The following RGS6 variants were observed in gnomAD, a reference collection of about 807,000 sequenced individuals.
The protein encoded by RGS6 is regulator of G-protein signaling 6.
In RGS6, 30 loss-of-function variants were observed where a neutral mutation model predicts 78.5. The ratio of observed to expected loss-of-function variants is 0.38; its 90% CI spans 0.29 to 0.52. The LOEUF (loss-of-function observed/expected upper bound fraction) is 0.52. Among genes scored for constraint, RGS6 ranks in the 20% least tolerant of loss-of-function variants. RGS6 has a pLI of 0.85. For missense variants in RGS6, 495 were observed against 609.7 expected, an observed-to-expected ratio of 0.81 and a Z score of 1.98; for synonymous variants, 206 against 206.0, an observed-to-expected ratio of 1.00 and a Z score of 0.00.
Position 72,562,746 on chromosome 14 carries a change from C to T in RGS6, c.*279C>T. Reference sequence around the variant, plus strand: ...TCCAACACTCCACTCGCTAAGAGGCCCTGATCCCAGCTCATTCAGGGGAGA... The same window carrying T: ...TCCAACACTCCACTCGCTAAGAGGCTCTGATCCCAGCTCATTCAGGGGAGA... On this transcript the variant is annotated 3_prime_UTR_variant, in exon 18 of 18. Transcript: ENST00000553525. 1 of 1,536,066 alleles carries T rather than the reference C, an allele frequency of 6.5e-7. No homozygotes were observed. The highest frequency in any genetic ancestry group is 8.7e-7 in the Non-Finnish European group (1 of 1,146,826).
At chr14:72,352,319 T>G in intron 3 of RGS6, 125 bp downstream of exon 3, 1 of 643,934 alleles carries the variant, frequency 1.6e-6, no homozygotes, top group Non-Finnish European at 2.7e-6. Context: ...AGTGTGTTTC[T>G]TGACTCAGGT....
In RGS6 at chr14:72,379,672, G is replaced by A. The variant is rs1352398469; in HGVS notation, c.184+27478G>A. On this transcript the variant is annotated intron_variant, in intron 3 of 17. Transcript: ENST00000553525. Reference sequence around the variant, plus strand: ...CTACAAAACACTGATGAAAGAAGTTGAAGAGGATACAAATGGAAAGACATC... The same window carrying A: ...CTACAAAACACTGATGAAAGAAGTTAAAGAGGATACAAATGGAAAGACATC... 2.0e-5 allele frequency among the ~76,000 whole-genome samples: 3 copies of A among 151,992 alleles called. No homozygotes were observed. The East Asian group carries it at 5.8e-4, about 29-fold the overall frequency.
chr14:71,895,964 C>G, the RGS6 span, among the ~76,000 whole-genome samples: 1 of 152,076 alleles, frequency 6.6e-6, no homozygotes, highest in Admixed American at 6.5e-5. Context: ...GCTGGTGCTT[C>G]TAATCTGGCC....
At chr14:72,219,424 T>G (rs2046353356) in intron 2 of RGS6, among the ~76,000 whole-genome samples, 1 of 152,202 alleles carries the variant, frequency 6.6e-6, no homozygotes, top group South Asian at 2.1e-4. Context: ...TTTTTTAAAA[T>G]ATTTGTGAAA....
chr14:72,074,307 T>A (rs1403132428), intron 2 of RGS6, among the ~76,000 whole-genome samples: 2 of 152,318 alleles, frequency 1.3e-5, no homozygotes, highest in African/African-American at 4.8e-5. Context: ...AGGGATCTCC[T>A]GCCTCAGCTT....
intron 2 of RGS6, among the ~76,000 whole-genome samples, chr14:72,255,229 C>T (rs1441736278): frequency 6.6e-6 from 1 of 152,080 alleles, no homozygotes; most frequent in Admixed American, 6.6e-5. Context: ...AGGCTGTCCC[C>T]GGTTGTCTCA....
chr14:72,557,240 G>GAAAT, intron 17 of RGS6, among the ~76,000 whole-genome samples: 1 of 152,024 alleles, frequency 6.6e-6, no homozygotes, highest in East Asian at 1.9e-4. Flanking sequence ...AAAGTGTTTT[G>GAAAT]AAATTATTCT....
chr14:72,378,058 G>A (rs2085202232), intron 3 of RGS6, among the ~76,000 whole-genome samples: 1 of 152,014 alleles, frequency 6.6e-6, no homozygotes, highest in Non-Finnish European at 1.5e-5. Flanking sequence ...GTAACAAGAG[G>A]GACATTTGAA....
chr14:72,176,301 T>C (rs372247722), intron 2 of RGS6, among the ~76,000 whole-genome samples: 9 of 152,290 alleles, frequency 5.9e-5, no homozygotes, highest in East Asian at 1.9e-4. Context: ...TTGGGGGAGA[T>C]GACATGGGGC....
chr14:72,318,151 G>A (rs528317285), intron 2 of RGS6, among the ~76,000 whole-genome samples: 313 of 152,244 alleles, frequency 2.1e-3, no homozygotes, highest in African/African-American at 6.9e-3. Flanking sequence ...ATTGCTCAGT[G>A]TACAGTGGGG....
chr14:72,251,672 A>G (rs917785302), intron 2 of RGS6, among the ~76,000 whole-genome samples: 1 of 152,190 alleles, frequency 6.6e-6, no homozygotes, highest in Non-Finnish European at 1.5e-5. Flanking sequence ...ATATGTGGAC[A>G]TAAAGATGGG....
intron 2 of RGS6, among the ~76,000 whole-genome samples, chr14:72,175,417 A>G (rs1195560027): frequency 1.3e-5 from 2 of 152,188 alleles, no homozygotes; most frequent in East Asian, 1.9e-4. Context: ...ACAAAGTAGC[A>G]TGGTTGTGAC....
chr14:72,427,353 A>G (rs1051191135), intron 3 of RGS6, among the ~76,000 whole-genome samples: 4 of 152,232 alleles, frequency 2.6e-5, no homozygotes, highest in Admixed American at 6.5e-5. Context: ...TAGTATATGT[A>G]GGATTCAGTA....
chr14:72,302,150 G>C (rs1486932873), intron 2 of RGS6, among the ~76,000 whole-genome samples: 1 of 152,214 alleles, frequency 6.6e-6, no homozygotes. Flanking sequence ...GGTGATACTT[G>C]CTCTCCTATG....
intron 3 of RGS6, among the ~76,000 whole-genome samples, chr14:72,433,656 T>C (rs79224492): frequency 0.066 from 10,022 of 152,168 alleles, 614 homozygotes; most frequent in South Asian, 0.15. Flanking sequence ...TTCTAGCTCC[T>C]CTTGCCTCCA....
intron 2 of RGS6, among the ~76,000 whole-genome samples, chr14:72,052,720 T>G (rs1291869149): frequency 6.6e-6 from 1 of 152,198 alleles, no homozygotes; most frequent in Non-Finnish European, 1.5e-5. Context: ...CTGGTCCATC[T>G]CTATACTTTT....
At chr14:72,325,668 T>A (rs1049139612) in intron 2 of RGS6, among the ~76,000 whole-genome samples, 2 of 152,034 alleles carry the variant, frequency 1.3e-5, no homozygotes, top group African/African-American at 4.8e-5. Context: ...CTTCTTAACA[T>A]GTTAAAAATC....
At chr14:72,598,456 T>C in the RGS6 span, among the ~76,000 whole-genome samples, 6 of 152,342 alleles carry the variant, frequency 3.9e-5, no homozygotes, top group Middle Eastern at 3.4e-3. Context: ...GCCTGAATGA[T>C]GCAGGGAGAG....
chr14:72,550,864 G>C (rs187744739), intron 17 of RGS6, among the ~76,000 whole-genome samples: 5 of 152,126 alleles, frequency 3.3e-5, no homozygotes, highest in Admixed American at 2.6e-4. Flanking sequence ...TTTTGAGACA[G>C]AGCCTCGCTT....
Sources: gnomAD v4.1 joint callset for allele counts (sites outside exome capture counted in the v4.1 genomes callset) on GRCh38, gnomAD v4.1.1 for gene constraint, MANE v1.5 for transcripts, NCBI Gene and HGNC (gene_info 2026-07-23, HGNC 2026-07-21) for gene names.